Variants in GFOD2 observed in about 807,000 individuals in gnomAD.
GFOD2 encodes the protein glucose-fructose oxidoreductase domain-containing protein 2.
A neutral mutation model predicts 24.6 loss-of-function variants in GFOD2; 9 were observed. The observed-to-expected ratio is 0.37, with a 90% CI of 0.22 to 0.64. GFOD2 has a LOEUF of 0.64. Among genes scored for constraint, GFOD2 ranks in the 30% least tolerant of loss-of-function variants. The pLI is 0.65. For synonymous variants in GFOD2, 211 were observed against 224.8 expected (o/e 0.94, Z 0.55); for missense variants, 476 against 532.5 (o/e 0.89, Z 1.04).
At chr16:67,715,406 A>AT (rs1266885948) in intron 1 of GFOD2, among the ~76,000 whole-genome samples, 3 of 151,684 alleles carry the variant, frequency 2.0e-5, no homozygotes, top group East Asian at 1.9e-4. Flanking sequence ...ATGAGAGAAA[A>AT]TTTTTTTTTG....
intron 1 of GFOD2, among the ~76,000 whole-genome samples, chr16:67,702,343 G>A (rs2053408431): frequency 6.6e-6 from 1 of 151,970 alleles, no homozygotes; most frequent in African/African-American, 2.4e-5. Context: ...GCTTCAGGGT[G>A]TGCGCCTGTA....
intron 1 of GFOD2, among the ~76,000 whole-genome samples, chr16:67,687,714 A>G (rs1382048394): frequency 2.6e-5 from 4 of 151,684 alleles, no homozygotes; most frequent in African/African-American, 9.7e-5. Flanking sequence ...TCATGTCTGC[A>G]ATCTCAGCAA....
At chr16:67,689,743 G>C (rs530078610) in intron 1 of GFOD2, among the ~76,000 whole-genome samples, 18 of 152,162 alleles carry the variant, frequency 1.2e-4, no homozygotes, top group African/African-American at 4.3e-4. Context: ...CCACCACCCT[G>C]GTGGATGGTT....
Position 67,705,768 on chromosome 16 carries a change from G to A in GFOD2, c.-88+13395C>T, listed in dbSNP as rs370572593. 2.3e-3 allele frequency among the ~76,000 whole-genome samples: 355 copies of A among 151,744 alleles called. 5 individuals carry two copies. Among genetic ancestry groups the A allele is most frequent in the African/African-American group, 7.5e-3 (310 of 41,440 alleles). On this transcript the variant is annotated intron_variant, in intron 1 of 2. Coordinates refer to ENST00000268797, the MANE Select transcript of GFOD2 (RefSeq NM_030819.4). ...AGCCTGGCCAACATCGTGATACTCC[G>A]TCTCTACTAAAAATACAAAAAATTA...
intron 2 of GFOD2, chr16:67,685,231 G>GT: frequency 7.0e-7 from 1 of 1,427,618 alleles, no homozygotes; most frequent in Admixed American, 2.9e-5. Flanking sequence ...GTCTCTTAGA[G>GT]TATTTCCTTA....
At chr16:67,690,999 A>G (rs2053308454) in intron 1 of GFOD2, among the ~76,000 whole-genome samples, 1 of 152,096 alleles carries the variant, frequency 6.6e-6, no homozygotes, top group African/African-American at 2.4e-5. Context: ...AGTAACTGGG[A>G]CTACAGGCAT....
chr16:67,682,836 T>C (rs1315069183), intron 2 of GFOD2: 1 of 985,238 alleles, frequency 1.0e-6, no homozygotes, highest in Non-Finnish European at 1.2e-6. Context: ...CTCAGTTTAA[T>C]TCAAAATGAT....
At chr16:67,698,627 C>T (rs1262385773) in intron 1 of GFOD2, among the ~76,000 whole-genome samples, 4 of 152,080 alleles carry the variant, frequency 2.6e-5, no homozygotes, top group African/African-American at 4.8e-5. Flanking sequence ...TACAGGTGTG[C>T]GCCACCATGC....
intron 1 of GFOD2, among the ~76,000 whole-genome samples, chr16:67,705,393 A>T (rs1396098882): frequency 6.6e-6 from 1 of 152,094 alleles, no homozygotes; most frequent in African/African-American, 2.4e-5. Flanking sequence ...TTTTCAGTAG[A>T]GACAGGGTTT....
intron 1 of GFOD2, among the ~76,000 whole-genome samples, chr16:67,705,348 CAGGCA>C (rs2053431635): frequency 6.6e-6 from 1 of 152,158 alleles, no homozygotes. Context: ...GCTGAGATTA[CAGGCA>C]TGTGCCACCA....
chr16:67,702,656 G>A (rs1180332109), intron 1 of GFOD2, among the ~76,000 whole-genome samples: 1 of 140,408 alleles, frequency 7.1e-6, no homozygotes, highest in South Asian at 2.3e-4. Context: ...CTGGAGCACA[G>A]TGGCACAATC....
intron 1 of GFOD2, among the ~76,000 whole-genome samples, chr16:67,705,428 G>C (rs573199954): frequency 6.6e-6 from 1 of 152,194 alleles, no homozygotes; most frequent in African/African-American, 2.4e-5. Flanking sequence ...CGCTGGTCTT[G>C]AACTCCTGGC....
At chr16:67,702,547 C>G (rs2053409888) in intron 1 of GFOD2, among the ~76,000 whole-genome samples, 1 of 151,428 alleles carries the variant, frequency 6.6e-6, no homozygotes, top group African/African-American at 2.4e-5. Flanking sequence ...TGTTATAAGG[C>G]CCAGGAACTC....
chr16:67,702,592 ATTTTTTTTTT>A (rs561204882), intron 1 of GFOD2, among the ~76,000 whole-genome samples: 6,409 of 104,858 alleles, frequency 0.061, 465 homozygotes, highest in African/African-American at 0.19. Context: ...GGTAGCCAGG[ATTTTTTTTTT>A]TTTTTTTTTT....
At chr16:67,688,723 C>T (rs1203604604) in intron 1 of GFOD2, among the ~76,000 whole-genome samples, 2 of 150,056 alleles carry the variant, frequency 1.3e-5, no homozygotes, top group African/African-American at 4.9e-5. Flanking sequence ...GTACAATATA[C>T]ATAAAATTTA....
chr16:67,718,070 A>G (rs2053519082), intron 1 of GFOD2, among the ~76,000 whole-genome samples: 2 of 152,230 alleles, frequency 1.3e-5, no homozygotes. Context: ...CCAGAAGGAA[A>G]TAAGTTTCCT....
chr16:67,688,457 A>G (rs2053284581), intron 1 of GFOD2, among the ~76,000 whole-genome samples: 1 of 152,162 alleles, frequency 6.6e-6, no homozygotes, highest in Non-Finnish European at 1.5e-5. Flanking sequence ...CAAGGGTTAT[A>G]CAATAAAGAA....
intron 2 of GFOD2, chr16:67,677,220 A>T (rs916425066): frequency 6.6e-6 from 1 of 152,112 alleles, no homozygotes; most frequent in East Asian, 1.9e-4. Context: ...TTTTCTTTTT[A>T]AAAAAATATT....
chr16:67,717,140 C>T (rs975857103), intron 1 of GFOD2, among the ~76,000 whole-genome samples: 5 of 152,130 alleles, frequency 3.3e-5, no homozygotes, highest in African/African-American at 1.2e-4. Flanking sequence ...AGGTGATCCA[C>T]CCACCTTGGT....
Sources: allele counts gnomAD v4.1 joint callset (sites outside exome capture counted in the v4.1 genomes callset), GRCh38; gene constraint gnomAD v4.1.1; transcripts MANE v1.5; gene names NCBI Gene and HGNC (gene_info 2026-07-23, HGNC 2026-07-21).